The following DAB1 variants were observed in gnomAD, a reference collection of about 807,000 sequenced individuals.
The protein encoded by DAB1 is DAB adaptor protein 1.
DAB1 carries 15 observed loss-of-function variants against 64.6 expected under a neutral mutation model. That is an observed-to-expected ratio of 0.23 (90% confidence interval 0.16 to 0.36). The LOEUF (loss-of-function observed/expected upper bound fraction) is 0.36, where lower values mean the gene tolerates loss of function less well. Among genes scored for constraint, DAB1 ranks in the 10% least tolerant of loss-of-function variants. DAB1 has a pLI of 1.00. For synonymous variants in DAB1, 235 were observed against 251.9 expected (o/e 0.93, Z 0.64); for missense variants, 596 against 706.7 (o/e 0.84, Z 1.78).
At chr1:57,590,087 T>C (rs1645425883) in intron 7 of DAB1, among the ~76,000 whole-genome samples, 1 of 152,048 alleles carries the variant, frequency 6.6e-6, no homozygotes, top group East Asian at 1.9e-4. Context: ...TTTTTTATGG[T>C]TCTGGAGGCT....
intron 14 of DAB1, among the ~76,000 whole-genome samples, chr1:57,010,057 A>G (rs1478578574): frequency 6.6e-6 from 1 of 152,110 alleles, no homozygotes; most frequent in African/African-American, 2.4e-5. Flanking sequence ...GCTTCCTCTG[A>G]TCTTACATCT....
At position 57,469,203 on chromosome 1, in the gene DAB1, T is replaced by C. The variant is rs1687058105; in HGVS notation, n.626-178037A>G. 5.3e-5 allele frequency among the ~76,000 whole-genome samples: 8 copies of C among 152,214 alleles called. No individual in the cohort carries two copies. In the South Asian group the frequency reaches 1.7e-3, roughly 31 times the overall value. ...GAGCATGTATCTGTTTCCTCGTTTG[T>C]AAATGGGCATGATTCCTACATTATA... On this transcript the variant is annotated intron_variant and non_coding_transcript_variant, in intron 7 of 20. Coordinates refer to the DAB1 transcript ENST00000485760.
intron 1 of DAB1, chr1:57,883,922 G>A (rs1644184767): frequency 6.6e-6 from 1 of 152,180 alleles, no homozygotes; most frequent in African/African-American, 2.4e-5. Flanking sequence ...ACAAAATCAT[G>A]CTCAAAAGTG....
intron 7 of DAB1, among the ~76,000 whole-genome samples, chr1:57,450,136 C>G (rs946338317): frequency 6.6e-6 from 1 of 152,148 alleles, no homozygotes; most frequent in Non-Finnish European, 1.5e-5. Flanking sequence ...AGGCACAAAG[C>G]CTTGCTATTA....
intron 2 of DAB1, among the ~76,000 whole-genome samples, chr1:57,237,526 G>A (rs1438429991): frequency 6.6e-6 from 1 of 152,136 alleles, no homozygotes; most frequent in East Asian, 1.9e-4. Flanking sequence ...AACTAGCTAA[G>A]CAAAGGCATT....
chr1:57,486,897 A>G (rs1644098863), intron 7 of DAB1, among the ~76,000 whole-genome samples: 1 of 152,152 alleles, frequency 6.6e-6, no homozygotes. Context: ...AAGACAGGTC[A>G]AAACATCTCA....
At chr1:58,527,634 G>A (rs1341369585) in intron 1 of DAB1, among the ~76,000 whole-genome samples, 1 of 152,124 alleles carries the variant, frequency 6.6e-6, no homozygotes, top group Non-Finnish European at 1.5e-5. Context: ...CTGAGTACAG[G>A]ATTCACTAAG....
chr1:57,212,742 T>A (rs956182828), intron 2 of DAB1, among the ~76,000 whole-genome samples: 1 of 152,156 alleles, frequency 6.6e-6, no homozygotes, highest in African/African-American at 2.4e-5. Flanking sequence ...TCCTATGAAA[T>A]AGGTAGGGTT....
chr1:58,515,000 C>G (rs1646138053), intron 2 of DAB1, among the ~76,000 whole-genome samples: 1 of 152,112 alleles, frequency 6.6e-6, no homozygotes, highest in Admixed American at 6.5e-5. Flanking sequence ...CAGTGCCCAG[C>G]ACATTAAAAA....
At chr1:57,950,902 C>T (rs1308871201) in intron 5 of DAB1, among the ~76,000 whole-genome samples, 1 of 152,140 alleles carries the variant, frequency 6.6e-6, no homozygotes, top group African/African-American at 2.4e-5. Flanking sequence ...CCTTTGTTTT[C>T]TTCACTTACA....
intron 5 of DAB1, among the ~76,000 whole-genome samples, chr1:57,920,610 T>C (rs760847636): frequency 6.6e-6 from 1 of 152,134 alleles, no homozygotes; most frequent in Non-Finnish European, 1.5e-5. Context: ...AGACTTAGGT[T>C]CAAATCCCAG....
intron 5 of DAB1, among the ~76,000 whole-genome samples, chr1:57,972,833 C>A (rs1402889376): frequency 2.0e-5 from 3 of 152,186 alleles, no homozygotes; most frequent in Non-Finnish European, 4.4e-5. Context: ...TCACCTATAG[C>A]CTTAGTCAGC....
intron 3 of DAB1, among the ~76,000 whole-genome samples, chr1:58,486,955 G>T (rs1439741335): frequency 6.6e-6 from 1 of 152,218 alleles, no homozygotes; most frequent in Non-Finnish European, 1.5e-5. Context: ...TACGTGCCTG[G>T]AAGACATAGG....
chr1:57,666,684 C>T (rs1646451304), intron 6 of DAB1, among the ~76,000 whole-genome samples: 1 of 152,170 alleles, frequency 6.6e-6, no homozygotes, highest in Non-Finnish European at 1.5e-5. Context: ...AAAACACATT[C>T]ATAGTCCAAC....
At chr1:57,570,137 CCA>C (rs1467394795) in intron 7 of DAB1, among the ~76,000 whole-genome samples, 1 of 152,008 alleles carries the variant, frequency 6.6e-6, no homozygotes, top group African/African-American at 2.4e-5. Context: ...AAAGGCAGAC[CCA>C]CCCTTAATGT....
At chr1:57,613,723 G>A (rs2101605741) in intron 7 of DAB1, among the ~76,000 whole-genome samples, 1 of 152,252 alleles carries the variant, frequency 6.6e-6, no homozygotes, top group South Asian at 2.1e-4. Context: ...AAAACCAGAT[G>A]GCATGAATAA....
chr1:58,458,889 G>T (rs947987470), intron 3 of DAB1, among the ~76,000 whole-genome samples: 1 of 152,088 alleles, frequency 6.6e-6, no homozygotes, highest in Admixed American at 6.5e-5. Flanking sequence ...TGTGGCTCAG[G>T]TTTTTTTAAC....
chr1:57,265,534 C>G (rs1482489871), intron 2 of DAB1, among the ~76,000 whole-genome samples: 5 of 152,162 alleles, frequency 3.3e-5, no homozygotes, highest in African/African-American at 1.2e-4. Flanking sequence ...TTTCCTCAAT[C>G]TGGCTCTTCT....
At chr1:58,089,315 G>A (rs770817616) in intron 5 of DAB1, among the ~76,000 whole-genome samples, 2 of 152,254 alleles carry the variant, frequency 1.3e-5, no homozygotes, top group South Asian at 2.1e-4. Context: ...GGTTAAATGA[G>A]ATAATGTGCA....
Sources: allele counts gnomAD v4.1 joint callset (sites outside exome capture counted in the v4.1 genomes callset), GRCh38; gene constraint gnomAD v4.1.1; transcripts MANE v1.5; gene names NCBI Gene and HGNC (gene_info 2026-07-23, HGNC 2026-07-21).